LRRC4C: variants seen among roughly 807,000 people sequenced by gnomAD.
LRRC4C encodes the protein leucine-rich repeat-containing protein 4C.
Under a neutral mutation model 33.6 loss-of-function variants are expected in LRRC4C, and 5 were observed. That is an observed-to-expected ratio of 0.15 (90% confidence interval 0.08 to 0.31). LRRC4C has a LOEUF of 0.31. Among genes scored for constraint, LRRC4C ranks in the 10% least tolerant of loss-of-function variants. The probability of loss-of-function intolerance (pLI) is 1.00; values close to 1 mark genes in which losing one functional copy is unlikely to be tolerated. For missense variants in LRRC4C, 560 were observed against 796.7 expected, an observed-to-expected ratio of 0.70 and a Z score of 3.58; for synonymous variants, 329 against 302.0, an observed-to-expected ratio of 1.09 and a Z score of -0.93.
intron 1 of LRRC4C, among the ~76,000 whole-genome samples, chr11:41,214,378 T>C (rs1203166094): frequency 6.6e-6 from 1 of 151,894 alleles, no homozygotes; most frequent in Non-Finnish European, 1.5e-5. Context: ...TGCCTGGTTC[T>C]TAAACAATAA....
intron 1 of LRRC4C, among the ~76,000 whole-genome samples, chr11:41,274,846 C>A (rs1949431957): frequency 6.6e-6 from 1 of 152,064 alleles, no homozygotes; most frequent in Non-Finnish European, 1.5e-5. Context: ...GACCACGAAC[C>A]CACCGGAAGG....
At chr11:41,043,675 G>T (rs371486825) in intron 1 of LRRC4C, among the ~76,000 whole-genome samples, 2 of 151,586 alleles carry the variant, frequency 1.3e-5, no homozygotes, top group Non-Finnish European at 2.9e-5. Flanking sequence ...CCAAGCTCAC[G>T]TACTTAGTAA....
At chr11:41,062,034 G>A (rs1273024062) in intron 1 of LRRC4C, among the ~76,000 whole-genome samples, 1 of 152,172 alleles carries the variant, frequency 6.6e-6, no homozygotes, top group Non-Finnish European at 1.5e-5. Context: ...TACATCTCCT[G>A]TACTTAGAAC....
chr11:40,697,652 C>G (rs1945639875), intron 2 of LRRC4C, among the ~76,000 whole-genome samples: 1 of 152,044 alleles, frequency 6.6e-6, no homozygotes, highest in African/African-American at 2.4e-5. Flanking sequence ...TAGCTTACTC[C>G]CTTTAAGTAT....
chr11:40,886,406 T>TACGCAC (rs1955454112), intron 2 of LRRC4C, among the ~76,000 whole-genome samples: 1 of 145,450 alleles, frequency 6.9e-6, no homozygotes, highest in African/African-American at 2.5e-5. Context: ...TTTCAAATGC[T>TACGCAC]ACACACACAC....
rs531502514 is a variant in LRRC4C, at chr11:40,599,502, A to T, written c.-270+48640T>A. 2.6e-5 allele frequency among the ~76,000 whole-genome samples: 4 copies of T among 152,180 alleles called. No individual in the cohort carries two copies. In the East Asian group the frequency reaches 7.7e-4, roughly 29 times the overall value. On this transcript the variant is annotated intron_variant, in intron 3 of 6. Coordinates refer to ENST00000528697, the MANE Select transcript of LRRC4C (RefSeq NM_001258419.2). ...ATTTTCCCACTTCTATTTATTAGTC[A>T]TTATCAAGGTATCCTGTCTCATTTT...
At chr11:40,610,771 T>C (rs576471906) in intron 3 of LRRC4C, among the ~76,000 whole-genome samples, 3 of 151,938 alleles carry the variant, frequency 2.0e-5, no homozygotes, top group African/African-American at 7.2e-5. Context: ...GTCCCATTTA[T>C]AATAGCATTA....
chr11:40,503,209 T>A (rs1018051880), intron 3 of LRRC4C, among the ~76,000 whole-genome samples: 1 of 152,172 alleles, frequency 6.6e-6, no homozygotes, highest in African/African-American at 2.4e-5. Context: ...TGTAAAAACA[T>A]TACCTTCATG....
chr11:40,717,077 A>G (rs1384333683), intron 2 of LRRC4C, among the ~76,000 whole-genome samples: 1 of 152,142 alleles, frequency 6.6e-6, no homozygotes, highest in Non-Finnish European at 1.5e-5. Flanking sequence ...TTTTGATTAT[A>G]GGCATCACGA....
In LRRC4C at chr11:40,565,713, C is replaced by T. The variant is rs1957731604; in HGVS notation, c.-270+82429G>A. ...TCCTTCTAATAATTTTTTTCTGAAT[C>T]TAATTCTGTCTTGCCATCTATTGCT... On this transcript the variant is annotated intron_variant, in intron 3 of 6. Transcript: ENST00000528697. 5.9e-5 allele frequency among the ~76,000 whole-genome samples: 9 copies of T among 152,132 alleles called. 1 individual carries two copies. The South Asian group carries it at 1.9e-3, about 32-fold the overall frequency.
At chr11:41,443,089 A>ATTTTTTTTTTTTTTTTTTTTTTCTTTATT in intron 1 of LRRC4C, among the ~76,000 whole-genome samples, 4 of 105,992 alleles carry the variant, frequency 3.8e-5, no homozygotes, top group Non-Finnish European at 5.3e-5. Context: ...TGTTTGCTTC[A>ATTTTTTTTTTTTTTTTTTTTTTCTTTATT]TTTTTTTTTT....
At chr11:41,170,230 T>C (rs1238235376) in intron 1 of LRRC4C, among the ~76,000 whole-genome samples, 1 of 152,184 alleles carries the variant, frequency 6.6e-6, no homozygotes, top group Non-Finnish European at 1.5e-5. Flanking sequence ...CCAAAGACTT[T>C]CTTCACAGAA....
intron 2 of LRRC4C, among the ~76,000 whole-genome samples, chr11:40,913,760 C>T (rs1296295307): frequency 6.6e-6 from 1 of 152,082 alleles, no homozygotes; most frequent in African/African-American, 2.4e-5. Context: ...ATTCCAGGAG[C>T]TGGTTTTTTG....
At chr11:40,717,971 T>C (rs1484948022) in intron 2 of LRRC4C, among the ~76,000 whole-genome samples, 1 of 152,196 alleles carries the variant, frequency 6.6e-6, no homozygotes, top group Admixed American at 6.5e-5. Context: ...TTTAAAAATC[T>C]AGAGACACGT....
chr11:40,724,297 G>C (rs1332294862), intron 2 of LRRC4C, among the ~76,000 whole-genome samples: 1 of 152,086 alleles, frequency 6.6e-6, no homozygotes, highest in Non-Finnish European at 1.5e-5. Flanking sequence ...AATAACCACA[G>C]AATACACATT....
At chr11:40,304,037 G>A (rs1012658216) in intron 4 of LRRC4C, among the ~76,000 whole-genome samples, 1 of 152,130 alleles carries the variant, frequency 6.6e-6, no homozygotes, top group African/African-American at 2.4e-5. Context: ...TTGCTCAAAG[G>A]TTCCTTTTGC....
chr11:40,281,871 C>T (rs1943498687), intron 4 of LRRC4C, among the ~76,000 whole-genome samples: 1 of 151,952 alleles, frequency 6.6e-6, no homozygotes, highest in Non-Finnish European at 1.5e-5. Flanking sequence ...CTGTGGACCC[C>T]CACTCCCACA....
intron 3 of LRRC4C, among the ~76,000 whole-genome samples, chr11:40,551,803 GT>G (rs2098821521): frequency 1.3e-5 from 2 of 152,278 alleles, no homozygotes; most frequent in African/African-American, 4.8e-5. Context: ...CAGAGAAGAA[GT>G]TTCTGATGGT....
intron 3 of LRRC4C, among the ~76,000 whole-genome samples, chr11:40,570,441 C>T (rs1957938291): frequency 6.6e-6 from 1 of 152,144 alleles, no homozygotes; most frequent in African/African-American, 2.4e-5. Context: ...TAATGTGATC[C>T]TGCTCACAAT....
Sources: gnomAD v4.1 joint callset for allele counts (sites outside exome capture counted in the v4.1 genomes callset) on GRCh38, gnomAD v4.1.1 for gene constraint, MANE v1.5 for transcripts, NCBI Gene and HGNC (gene_info 2026-07-23, HGNC 2026-07-21) for gene names.